The following CELF2 variants were observed in gnomAD, a reference collection of about 807,000 sequenced individuals.
CELF2 encodes CUG triplet repeat RNA-binding protein 2.
Under a neutral mutation model 62.6 loss-of-function variants are expected in CELF2, and 8 were observed. The ratio of observed to expected loss-of-function variants is 0.13; its 90% CI spans 0.07 to 0.23. The LOEUF (loss-of-function observed/expected upper bound fraction) is 0.23, where lower values mean the gene tolerates loss of function less well. Ranked by LOEUF, CELF2 falls within the 10% of genes least tolerant of loss-of-function variation. The pLI, the probability that CELF2 is intolerant of heterozygous loss-of-function variation, is 1.00. For missense variants in CELF2, 333 were observed against 671.0 expected, an observed-to-expected ratio of 0.50 and a Z score of 5.56; for synonymous variants, 258 against 250.0, an observed-to-expected ratio of 1.03 and a Z score of -0.30.
chr10:10,629,738 G>A, the CELF2 span, among the ~76,000 whole-genome samples: 1 of 152,128 alleles, frequency 6.6e-6, no homozygotes, highest in South Asian at 2.1e-4. Flanking sequence ...GGAGTGCCCA[G>A]TGTACTCCAT....
At chr10:11,107,266 C>T (rs1595414328) in intron 1 of CELF2, among the ~76,000 whole-genome samples, 1 of 152,110 alleles carries the variant, frequency 6.6e-6, no homozygotes, top group Non-Finnish European at 1.5e-5. Flanking sequence ...ACCAGCAGCA[C>T]CTGCCTCTCC....
chr10:10,788,137 C>A, the CELF2 span, among the ~76,000 whole-genome samples: 2 of 152,134 alleles, frequency 1.3e-5, no homozygotes, highest in Non-Finnish European at 2.9e-5. Context: ...TGAAGCCCTG[C>A]TTTTCAAAGA....
the CELF2 span, among the ~76,000 whole-genome samples, chr10:10,782,217 A>G: frequency 6.6e-6 from 1 of 152,370 alleles, no homozygotes; most frequent in East Asian, 1.9e-4. Context: ...ATAAAGACAG[A>G]AAAGTCCCAA....
At chr10:10,832,227 C>T (rs7101273) in intron 1 of CELF2, among the ~76,000 whole-genome samples, 81,693 of 151,232 alleles carry the variant, frequency 0.54, 22,640 homozygotes, top group East Asian at 0.76. Flanking sequence ...AAGATCATGC[C>T]GCTGCACTCC....
chr10:10,547,798 C>T, the CELF2 span, among the ~76,000 whole-genome samples: 6 of 151,398 alleles, frequency 4.0e-5, no homozygotes, highest in South Asian at 2.1e-4. Flanking sequence ...GTAAAAGTAT[C>T]GGGCTGGTTT....
At chr10:10,532,587 T>C in the CELF2 span, among the ~76,000 whole-genome samples, 1 of 152,228 alleles carries the variant, frequency 6.6e-6, no homozygotes, top group African/African-American at 2.4e-5. Flanking sequence ...AGAACGTTAG[T>C]TAAATAATAT....
chr10:11,314,101 T>A lies in CELF2; in HGVS notation c.977-38T>A. On this transcript the variant is annotated intron_variant, in intron 9 of 12. Transcript: ENST00000633077. The surrounding 1 kb of genome is among the most constrained non-coding windows in gnomAD (Gnocchi z 5.3). ...CCAGTCTCGGCTCTCACTCACCTCG[T>A]GTCTTCTCTCCCCTTGTCTCTGTTT... 7.0e-6 allele frequency: 11 copies of A among 1,580,860 alleles called. No individual in the cohort carries two copies. The highest frequency in any genetic ancestry group is 8.6e-6 in the Non-Finnish European group (10 of 1,160,158).
At chr10:10,721,886 G>A in the CELF2 span, among the ~76,000 whole-genome samples, 1 of 152,182 alleles carries the variant, frequency 6.6e-6, no homozygotes, top group Admixed American at 6.5e-5. Flanking sequence ...CAGGGTTTGA[G>A]GAATGAATTA....
intron 1 of CELF2, among the ~76,000 whole-genome samples, chr10:11,152,310 C>T (rs1224091731): frequency 6.6e-6 from 1 of 152,040 alleles, no homozygotes; most frequent in Non-Finnish European, 1.5e-5. Flanking sequence ...GTAGAAGCTA[C>T]TAAACAATGA....
rs2056868577 is a variant in CELF2 at position 11,117,745 on chromosome 10, G to A, written c.75-47741G>A. Among the ~76,000 whole-genome samples the A allele has an allele frequency of 6.6e-6, 1 of 152,162 alleles. No individual in the cohort carries two copies. Among genetic ancestry groups the A allele is most frequent in the African/African-American group, 2.4e-5 (1 of 41,434 alleles). ...CTCTCCAGAGAGGGTACCCTTGAGT[G>A]GCTCTTCCACTGACCCCGGAACTTC... On this transcript the variant is annotated intron_variant, in intron 1 of 12. Transcript: ENST00000633077. This position sits in a 1 kb window ranked among gnomAD's most constrained non-coding sequence, Gnocchi z 4.1.
At position 11,332,220 on chromosome 10, in the gene CELF2, TA is replaced by T. The variant is rs2096039752; in HGVS notation, c.*3168del. ...ATGCTTTTGAGATCACGTTTAGTGC[TA>T]TGTCCTAGTCTAGAATATTTTCATA... On this transcript the variant is annotated 3_prime_UTR_variant, in exon 13 of 13. Coordinates refer to ENST00000633077, the MANE Select transcript of CELF2 (RefSeq NM_001326342.2). The T allele has an allele frequency of 6.6e-6, 1 of 152,238 alleles. No homozygotes were observed. The highest frequency in any genetic ancestry group is 1.5e-5 in the Non-Finnish European group (1 of 68,044). 9.4% of individuals were successfully genotyped at this position (152,238 alleles called of 1,614,324 possible). A position where few individuals can be genotyped will look rare whatever the true frequency, so the allele number is the denominator to read the frequency against.
the CELF2 span, among the ~76,000 whole-genome samples, chr10:10,555,995 T>G: frequency 1.3e-5 from 2 of 152,202 alleles, no homozygotes; most frequent in African/African-American, 4.8e-5. Context: ...AATACTTTAC[T>G]GAACTTCAAT....
chr10:10,952,255 C>G (rs1163208879), intron 2 of CELF2: 2 of 152,342 alleles, frequency 1.3e-5, no homozygotes, highest in East Asian at 1.9e-4. Flanking sequence ...TCCTTCCCCC[C>G]TGAAGTTCCG....
At chr10:11,030,540 G>C (rs1012826985) in intron 1 of CELF2, 1 of 152,054 alleles carries the variant, frequency 6.6e-6, no homozygotes, top group Non-Finnish European at 1.5e-5. Context: ...GCCCGAGGTC[G>C]CACTTCTGTT....
rs1048216870 is a variant in CELF2, at chr10:10,938,518, A to G, written c.89+18519A>G. 3.3e-5 allele frequency among the ~76,000 whole-genome samples: 5 copies of G among 152,202 alleles called. No homozygotes were observed. The highest frequency in any genetic ancestry group is 1.2e-4 in the African/African-American group (5 of 41,440). ...GGGATATGTTAAAATACCATTGCAA[A>G]CATGTCAGGCAACTCAAGTTTAGAA... is the stretch of plus-strand genomic sequence containing the variant. On this transcript the variant is annotated intron_variant, in intron 2 of 13. Transcript: ENST00000636488. This position sits in a 1 kb window ranked among gnomAD's most constrained non-coding sequence, Gnocchi z 4.2.
rs921471429 is a variant in CELF2, at chr10:11,220,660, C to T, written c.354+3153C>T. Reference sequence around the variant, plus strand: ...ATCCCCTGAAATTCTCAACATAAACCCTAGAAATACAATGGCAGTCATAAA... The same window carrying T: ...ATCCCCTGAAATTCTCAACATAAACTCTAGAAATACAATGGCAGTCATAAA... On this transcript the variant is annotated intron_variant, in intron 3 of 12. Transcript: ENST00000633077. This position sits in a 1 kb window ranked among gnomAD's most constrained non-coding sequence, Gnocchi z 4.4. Among the ~76,000 whole-genome samples the T allele has an allele frequency of 6.6e-6, 1 of 152,136 alleles. No homozygotes were observed. Among genetic ancestry groups the T allele is most frequent in the Non-Finnish European group, 1.5e-5 (1 of 68,024 alleles).
chr10:10,892,785 C>A (rs1318395532), intron 1 of CELF2, among the ~76,000 whole-genome samples: 4 of 152,144 alleles, frequency 2.6e-5, no homozygotes, highest in Non-Finnish European at 5.9e-5. Context: ...GTAAATCTAC[C>A]ATGGAGGAAG....
At chr10:11,201,894 G>T (rs890227233) in intron 2 of CELF2, among the ~76,000 whole-genome samples, 3 of 152,042 alleles carry the variant, frequency 2.0e-5, no homozygotes, top group Non-Finnish European at 4.4e-5. Context: ...AAGGTATTTG[G>T]TACCTTCGTT....
the CELF2 span, among the ~76,000 whole-genome samples, chr10:10,587,991 G>A: frequency 3.3e-5 from 5 of 151,002 alleles, no homozygotes; most frequent in African/African-American, 1.2e-4. Flanking sequence ...CAAGAAGGAG[G>A]AATTGTGAGA....
Sources: gnomAD v4.1 joint callset for allele counts (sites outside exome capture counted in the v4.1 genomes callset) on GRCh38, gnomAD v4.1.1 for gene constraint, Gnocchi (gnomAD v3.1) non-coding constraint, MANE v1.5 for transcripts, NCBI Gene and HGNC (gene_info 2026-07-23, HGNC 2026-07-21) for gene names.